TMEM132E: variants seen among roughly 807,000 people sequenced by gnomAD.
TMEM132E encodes the protein transmembrane protein 132E.
TMEM132E carries 49 observed loss-of-function variants against 78.5 expected under a neutral mutation model. The ratio of observed to expected loss-of-function variants is 0.62; its 90% CI spans 0.50 to 0.79. The LOEUF is 0.79. Among genes scored for constraint, TMEM132E ranks in the 30% least tolerant of loss-of-function variants. The pLI is 0.00. For synonymous variants in TMEM132E, 715 were observed against 670.6 expected (o/e 1.07, Z -1.02); for missense variants, 1,403 against 1,470.9 (o/e 0.95, Z 0.75).
chr17:34,595,779 C>T (rs191308145), intron 1 of TMEM132E, among the ~76,000 whole-genome samples: 6 of 152,260 alleles, frequency 3.9e-5, no homozygotes, highest in South Asian at 2.1e-4. Context: ...GGGGCAGCAA[C>T]GCCAACAATT....
In TMEM132E at chr17:34,637,508, G is replaced by A. The variant is rs754319502; in HGVS notation, c.2501G>A (p.Gly834Glu). ...YPGPSQPGPG[G>E]GEDEARGAGP... ...GGCCCCAGCCAACCAGGGCCCGGCG[G>A]GGGCGAGGACGAGGCCCGGGGAGCT... is the stretch of plus-strand genomic sequence containing the variant. The change falls in exon 9 of 9, where the codon GGG (glycine) becomes GAG (glutamate). Residue 834 changes from glycine (G) to glutamate (E), a missense_variant. Transcript: ENST00000631683. 4.4e-6 allele frequency: 7 copies of A among 1,606,282 alleles called. No individual in the cohort carries two copies. The East Asian group carries it at 1.3e-4, about 31-fold the overall frequency.
chr17:34,607,055 C>G (rs182063877), intron 1 of TMEM132E, among the ~76,000 whole-genome samples: 119 of 152,318 alleles, frequency 7.8e-4, no homozygotes, highest in Admixed American at 2.4e-3. Context: ...CAATCAGCTT[C>G]AGGTGGCTGG....
At chr17:34,624,791 C>T (rs901553991) in intron 1 of TMEM132E, among the ~76,000 whole-genome samples, 2 of 152,106 alleles carry the variant, frequency 1.3e-5, no homozygotes, top group Non-Finnish European at 2.9e-5. Context: ...CAGATAGGAG[C>T]GCTTCTTTGA....
chr17:34,590,852 G>A (rs1165703961), intron 1 of TMEM132E, among the ~76,000 whole-genome samples: 1 of 152,144 alleles, frequency 6.6e-6, no homozygotes, highest in Admixed American at 6.5e-5. Context: ...ACTTGATCAG[G>A]GAACAATTGG....
chr17:34,592,824 G>A (rs565479068), intron 1 of TMEM132E, among the ~76,000 whole-genome samples: 16 of 152,102 alleles, frequency 1.1e-4, no homozygotes, highest in Middle Eastern at 3.4e-3. Context: ...CCACCCAGAG[G>A]GTCCCCCACC....
chr17:34,606,839 G>A (rs960782416), intron 1 of TMEM132E, among the ~76,000 whole-genome samples: 40 of 152,218 alleles, frequency 2.6e-4, no homozygotes, highest in African/African-American at 8.7e-4. Flanking sequence ...TCCTCTGCCC[G>A]TAAAACAGTA....
In TMEM132E at chr17:34,626,800, C is replaced by T. The variant is rs1426770752; in HGVS notation, c.741C>T (p.Gly247=). The change falls in exon 2 of 9, where the codon GGC becomes GGT. Residue 247 remains glycine (G), a synonymous_variant. Transcript: ENST00000631683. ...HAPDASGGCG[G]SRRGAGPGVG... Reference sequence around the variant, plus strand: ...CTGATGCGTCGGGGGGCTGCGGGGGCTCCCGCCGGGGGGCCGGGCCCGGGG... The same window carrying T: ...CTGATGCGTCGGGGGGCTGCGGGGGTTCCCGCCGGGGGGCCGGGCCCGGGG... 4 of 1,517,486 alleles carry T rather than the reference C, an allele frequency of 2.6e-6. No individual in the cohort carries two copies. The highest frequency in any genetic ancestry group is 1.4e-5 in the African/African-American group (1 of 72,556). 94.0% of individuals were successfully genotyped at this position (1,517,486 alleles called of 1,614,324 possible).
chr17:34,636,145 C>A lies in TMEM132E; in HGVS notation c.2116C>A (p.His706Asn). The A allele has an allele frequency of 6.3e-7, 1 of 1,583,448 alleles. No homozygotes were observed. Among genetic ancestry groups the A allele is most frequent in the Non-Finnish European group, 8.6e-7 (1 of 1,166,456 alleles). Reference protein sequence around the residue: ...LSLRPSPGSSHTILATTAAQQ... With the variant: ...LSLRPSPGSSNTILATTAAQQ... ...CCTGCGGCCCAGCCCTGGGAGCAGC[C>A]ACACCATCCTAGCCACCACAGCTGC... The change falls in exon 8 of 9, where the codon CAC (histidine) becomes AAC (asparagine). Residue 706 changes from histidine (H) to asparagine (N), a missense_variant. His to Asn is a moderately conservative substitution (Grantham distance 68). Around this residue, in one of 3 missense-constraint regions of TMEM132E, gnomAD observed 888 missense variants for 952.8 expected, o/e 0.93. Transcript: ENST00000631683.
intron 1 of TMEM132E, among the ~76,000 whole-genome samples, chr17:34,590,064 A>T (rs756040839): frequency 5.9e-5 from 9 of 152,206 alleles, no homozygotes; most frequent in African/African-American, 2.2e-4. Flanking sequence ...GGGTACTGGC[A>T]TGGTGCAGAG....
Position 34,629,030 on chromosome 17 carries a change from G to A in TMEM132E, c.1164G>A (p.Leu388=). ...CTGGCAGGGAGGGCCAGGGCCCCTT[G>A]GAGATCTTGCAGCTGGACTTTGAAA... ...PLPPREGQGP[L]EILQLDFEME... Residue 388 remains leucine, a synonymous_variant, in exon 4 of 9, where the codon TTG becomes TTA. Coordinates refer to ENST00000631683, the MANE Select transcript of TMEM132E (RefSeq NM_001304438.2). 3.2e-6 allele frequency: 5 copies of A among 1,574,428 alleles called. No homozygotes were observed. The highest frequency in any genetic ancestry group is 1.7e-5 in the Admixed American group (1 of 57,836).
At chr17:34,616,908 G>T (rs565371105) in intron 1 of TMEM132E, among the ~76,000 whole-genome samples, 1 of 152,350 alleles carries the variant, frequency 6.6e-6, no homozygotes, top group South Asian at 2.1e-4. Flanking sequence ...TACAAAAGCA[G>T]CCCCTCACTA....
At chr17:34,627,132 T>TGGGGGGTGGGTG in intron 2 of TMEM132E, 75 bp downstream of exon 2, 2 of 609,252 alleles carry the variant, frequency 3.3e-6, no homozygotes, top group Non-Finnish European at 6.0e-6. Context: ...GTGGGTGGGT[T>TGGGGGGTGGGTG]GGGGGGTGGG....
chr17:34,614,750 C>T (rs1906720711), intron 1 of TMEM132E: 1 of 152,414 alleles, frequency 6.6e-6, no homozygotes, highest in Admixed American at 6.5e-5. Context: ...CCTTGGGACC[C>T]CTCCAGCCCA....
At chr17:34,617,883 A>G (rs1906834369) in intron 1 of TMEM132E, among the ~76,000 whole-genome samples, 1 of 152,244 alleles carries the variant, frequency 6.6e-6, no homozygotes, top group African/African-American at 2.4e-5. Flanking sequence ...CAACTGGAAA[A>G]TACATAAAAA....
intron 1 of TMEM132E, among the ~76,000 whole-genome samples, chr17:34,591,662 A>G (rs115691118): frequency 0.026 from 3,961 of 152,036 alleles, 174 homozygotes; most frequent in African/African-American, 0.09. Context: ...TCCTCATCCA[A>G]CAGTCAGCCA....
intron 1 of TMEM132E, among the ~76,000 whole-genome samples, chr17:34,594,773 G>C (rs941295210): frequency 1.3e-5 from 2 of 152,130 alleles, no homozygotes; most frequent in African/African-American, 4.8e-5. Context: ...GTTTCTTGAG[G>C]TTTTATTTTT....
chr17:34,599,514 A>T (rs1417252838), intron 1 of TMEM132E, among the ~76,000 whole-genome samples: 3 of 152,074 alleles, frequency 2.0e-5, no homozygotes, highest in Admixed American at 2.0e-4. Context: ...TGGAGGGGAG[A>T]GTAGGGGGAC....
chr17:34,625,608 G>A (rs36105898), intron 1 of TMEM132E, among the ~76,000 whole-genome samples: 38,335 of 148,072 alleles, frequency 0.26, 5,175 homozygotes, highest in Middle Eastern at 0.29. Context: ...CATAATAAGA[G>A]GTACCTCAGA....
intron 3 of TMEM132E, 74 bp downstream of exon 3, chr17:34,628,783 G>T: frequency 6.8e-7 from 1 of 1,475,886 alleles, no homozygotes; most frequent in South Asian, 1.4e-5. Context: ...ATCTTTGAAG[G>T]AGGAGGCTAG....
Sources: gnomAD v4.1 joint callset for allele counts (sites outside exome capture counted in the v4.1 genomes callset) on GRCh38, gnomAD v4.1.1 for gene constraint, gnomAD v4.1.1 regional missense constraint, MANE v1.5 for transcripts, NCBI Gene and HGNC (gene_info 2026-07-23, HGNC 2026-07-21) for gene names.